The following SPPL2A variants were observed in gnomAD, a reference collection of about 807,000 sequenced individuals.
SPPL2A encodes signal peptide peptidase-like 2A.
Under a neutral mutation model 63.8 loss-of-function variants are expected in SPPL2A, and 51 were observed. The ratio of observed to expected loss-of-function variants is 0.80; its 90% CI spans 0.64 to 1.01. The LOEUF is 1.01. Among genes scored for constraint, SPPL2A ranks in the 50% least tolerant of loss-of-function variants. SPPL2A has a pLI of 0.00. For missense variants in SPPL2A, 553 were observed against 622.7 expected, an observed-to-expected ratio of 0.89 and a Z score of 1.19; for synonymous variants, 188 against 205.8, an observed-to-expected ratio of 0.91 and a Z score of 0.74.
chr15:50,765,476 G>A lies in SPPL2A; in HGVS notation c.58C>T (p.Leu20Phe). 6.6e-7 allele frequency: 1 copy of A among 1,504,550 alleles called. No individual in the cohort carries two copies. Among genetic ancestry groups the A allele is most frequent in the Non-Finnish European group, 8.8e-7 (1 of 1,134,156 alleles). 93.2% of individuals were successfully genotyped at this position (1,504,550 alleles called of 1,614,324 possible). ...AGAALLWGFL[L>F]QLTAAQEAIL... is the part of the protein sequence containing the mutation. ...CCTTCCCGCCCCCTTACCAGCTGGA[G>A]CAGGAAGCCCCAGAGTAGGGCGGCC... Residue 20 changes from leucine (L) to phenylalanine (F), a missense_variant, in exon 1 of 15, where the codon CTC (leucine) becomes TTC (phenylalanine). Coordinates refer to ENST00000261854, the MANE Select transcript of SPPL2A (RefSeq NM_032802.4).
intron 1 of SPPL2A, among the ~76,000 whole-genome samples, chr15:50,758,408 C>A: frequency 6.6e-6 from 1 of 151,658 alleles, no homozygotes; most frequent in Non-Finnish European, 1.5e-5. Flanking sequence ...TCTAGGCTCA[C>A]TGCAAGCTCT....
intron 14 of SPPL2A, among the ~76,000 whole-genome samples, chr15:50,714,711 GC>G (rs2062587364): frequency 6.6e-6 from 1 of 150,784 alleles, no homozygotes; most frequent in East Asian, 2.0e-4. Flanking sequence ...GGAGGCCAAG[GC>G]AGGTGGGTTC....
chr15:50,705,308 C>G lies in SPPL2A; in HGVS notation c.*2492G>C, dbSNP rs12904729. 0.096 allele frequency: 14,371 copies of G among 150,376 alleles called. 773 individuals carry two copies. Among genetic ancestry groups the G allele is most frequent in the South Asian group, 0.15 (719 of 4,748 alleles). 9.3% of individuals were successfully genotyped at this position (150,376 alleles called of 1,614,324 possible). A position where few individuals can be genotyped will look rare whatever the true frequency, so the allele number is the denominator to read the frequency against. On this transcript the variant is annotated 3_prime_UTR_variant, in exon 15 of 15. Transcript: ENST00000261854. ...TGAGCCAAGATCTTGCTACTGCACT[C>G]CAGCCTGGGTGACAGAGGGAGACTC... is the stretch of plus-strand genomic sequence containing the variant.
At chr15:50,717,472 C>G (rs1328509963) in intron 14 of SPPL2A, among the ~76,000 whole-genome samples, 1 of 152,166 alleles carries the variant, frequency 6.6e-6, no homozygotes, top group African/African-American at 2.4e-5. Context: ...CATGTCTGGC[C>G]TTCTATCACT....
chr15:50,706,499 C>CAG lies in SPPL2A; in HGVS notation c.*1300_*1301insCT, dbSNP rs1885423637. 6.6e-6 allele frequency: 1 copy of CAG among 151,114 alleles called. No homozygotes were observed. Among genetic ancestry groups the CAG allele is most frequent in the East Asian group, 1.9e-4 (1 of 5,154 alleles). 9.4% of individuals were successfully genotyped at this position (151,114 alleles called of 1,614,324 possible). A position where few individuals can be genotyped will look rare whatever the true frequency, so the allele number is the denominator to read the frequency against. Reference sequence around the variant, plus strand: ...TTAAACTGAGACTAACACCAAGTCTCTTGCTGTTGTTGCCAATTCTTTTCT... The same window carrying CAG: ...TTAAACTGAGACTAACACCAAGTCTCAGTTGCTGTTGTTGCCAATTCTTTTCT... On this transcript the variant is annotated 3_prime_UTR_variant, in exon 15 of 15. Transcript: ENST00000261854.
intron 13 of SPPL2A, 79 bp downstream of exon 13, chr15:50,722,045 C>A: frequency 4.9e-6 from 4 of 816,180 alleles, no homozygotes; most frequent in Middle Eastern, 4.6e-4. Context: ...AACTGTACTC[C>A]TTCTTTATTT....
At position 50,749,721 on chromosome 15, in the gene SPPL2A, T is replaced by C; in HGVS notation, c.92A>G (p.His31Arg). The C allele has an allele frequency of 6.2e-7, 1 of 1,613,336 alleles. No homozygotes were observed. Reference sequence around the variant, plus strand: ...CTTGGTTGTGCCATTTCCAGACGCATGCAAGATTGCTTCCTGAGCGGCTGT... The same window carrying C: ...CTTGGTTGTGCCATTTCCAGACGCACGCAAGATTGCTTCCTGAGCGGCTGT... ...QLTAAQEAIL[H>R]ASGNGTTKDY... The change falls in exon 2 of 15, where the codon CAT becomes CGT. Residue 31 changes from histidine (H) to arginine (R), a missense_variant. Coordinates refer to ENST00000261854, the MANE Select transcript of SPPL2A (RefSeq NM_032802.4).
In SPPL2A at chr15:50,705,474, C is replaced by T. The variant is rs558058356; in HGVS notation, c.*2326G>A. ...TGAGGGTGCAGATAATTTTACAAAA[C>T]AGCTGTATTTTGGCAAATATTTTAT... is the stretch of plus-strand genomic sequence containing the variant. On this transcript the variant is annotated 3_prime_UTR_variant, in exon 15 of 15. Coordinates refer to ENST00000261854, the MANE Select transcript of SPPL2A (RefSeq NM_032802.4). 2.0e-5 allele frequency: 3 copies of T among 151,862 alleles called. 1 individual carries two copies. Among genetic ancestry groups the T allele is most frequent in the Middle Eastern group, 6.9e-3 (2 of 290 alleles). The allele number at this position is 151,862 out of a possible 1,614,324, so 9.4% of individuals were successfully genotyped here. A position where few individuals can be genotyped will look rare whatever the true frequency, so the allele number is the denominator to read the frequency against.
intron 13 of SPPL2A, among the ~76,000 whole-genome samples, chr15:50,721,357 G>A (rs1481072786): frequency 6.6e-6 from 1 of 151,994 alleles, no homozygotes; most frequent in East Asian, 1.9e-4. Context: ...AGCTGAGACT[G>A]CTTTTTGAAT....
At chr15:50,708,504 G>A (rs893548539) in intron 14 of SPPL2A, among the ~76,000 whole-genome samples, 1 of 151,274 alleles carries the variant, frequency 6.6e-6, no homozygotes, top group Non-Finnish European at 1.5e-5. Flanking sequence ...TCAGGAGTTC[G>A]AGACCAGCCT....
chr15:50,765,625 G>GCCGGA lies in SPPL2A; in HGVS notation c.-97_-93dup, dbSNP rs1195083296. 2.3e-5 allele frequency: 21 copies of GCCGGA among 927,380 alleles called. No homozygotes were observed. The highest frequency in any genetic ancestry group is 2.6e-5 in the South Asian group (1 of 38,248). The allele number at this position is 927,380 out of a possible 1,614,324, so 57.4% of individuals were successfully genotyped here. A position where few individuals can be genotyped will look rare whatever the true frequency, so the allele number is the denominator to read the frequency against. ...GTCCCGCCGCTGCGCTGCCTCCGTGGCCGGACCGGACCGGACAGGCGCGGG... is the reference window on the plus strand; with the variant it reads ...GTCCCGCCGCTGCGCTGCCTCCGTGGCCGGACCGGACCGGACCGGACAGGCGCGGG... On this transcript the variant is annotated 5_prime_UTR_variant, in exon 1 of 15. Coordinates refer to ENST00000261854, the MANE Select transcript of SPPL2A (RefSeq NM_032802.4).
intron 1 of SPPL2A, among the ~76,000 whole-genome samples, chr15:50,753,635 T>G (rs998675790): frequency 6.6e-6 from 1 of 152,224 alleles, no homozygotes; most frequent in Non-Finnish European, 1.5e-5. Flanking sequence ...CAACTGTTTA[T>G]ACATATTAAT....
intron 14 of SPPL2A, among the ~76,000 whole-genome samples, chr15:50,711,950 C>T (rs1381155464): frequency 6.6e-6 from 1 of 152,084 alleles, no homozygotes; most frequent in Non-Finnish European, 1.5e-5. Flanking sequence ...TTTAAAAGTG[C>T]CTCACTTTTA....
chr15:50,739,044 G>A (rs552467438), intron 6 of SPPL2A, among the ~76,000 whole-genome samples: 8 of 151,660 alleles, frequency 5.3e-5, no homozygotes, highest in African/African-American at 1.9e-4. Flanking sequence ...TAGCCACCAA[G>A]AACTCCTTAA....
intron 1 of SPPL2A, among the ~76,000 whole-genome samples, chr15:50,757,443 A>T (rs1422927006): frequency 2.0e-5 from 3 of 151,522 alleles, no homozygotes; most frequent in African/African-American, 7.3e-5. Flanking sequence ...AGCTCATGGA[A>T]CTCCTTTCCC....
intron 10 of SPPL2A, 141 bp downstream of exon 10, chr15:50,730,824 G>A: frequency 1.7e-6 from 1 of 577,094 alleles, no homozygotes; most frequent in African/African-American, 2.0e-5. Flanking sequence ...AAAGTTAAAA[G>A]GCCAATTTCA....
At chr15:50,729,157 T>A (rs996707705) in intron 10 of SPPL2A, among the ~76,000 whole-genome samples, 1 of 152,176 alleles carries the variant, frequency 6.6e-6, no homozygotes, top group Admixed American at 6.5e-5. Context: ...TTTACCATGT[T>A]GGCCAGGCTG....
intron 14 of SPPL2A, among the ~76,000 whole-genome samples, chr15:50,709,063 A>C (rs2062536649): frequency 6.6e-6 from 1 of 152,058 alleles, no homozygotes. Flanking sequence ...TTACCAGTTA[A>C]ACTTTTCTCA....
In SPPL2A at chr15:50,712,755, G is replaced by T. The variant is rs563387673; in HGVS notation, c.1489-4881C>A. On this transcript the variant is annotated intron_variant, in intron 14 of 14. Transcript: ENST00000261854. ...AGTGCAGTGATGCGATCTCGATCTC[G>T]GCTCACTTCAACCTCTGCCTCCCAG... Among the ~76,000 whole-genome samples, 15 of 138,818 alleles carry T rather than the reference G, an allele frequency of 1.1e-4. No homozygotes were observed. In the East Asian group the frequency reaches 3.2e-3, roughly 29 times the overall value. The allele number at this position is 138,818 out of a possible 152,430, so 91.1% of individuals were successfully genotyped here.
Sources: gnomAD v4.1 joint callset for allele counts (sites outside exome capture counted in the v4.1 genomes callset) on GRCh38, gnomAD v4.1.1 for gene constraint, MANE v1.5 for transcripts, NCBI Gene and HGNC (gene_info 2026-07-23, HGNC 2026-07-21) for gene names.